The following TRIM16 variants were observed in gnomAD, a reference collection of about 807,000 sequenced individuals.
The protein encoded by TRIM16 is tripartite motif containing 16.
A neutral mutation model predicts 50.4 loss-of-function variants in TRIM16; 33 were observed. That is an observed-to-expected ratio of 0.65 (90% confidence interval 0.50 to 0.88). The LOEUF (loss-of-function observed/expected upper bound fraction) is 0.88. Ranked by LOEUF, TRIM16 falls within the 40% of genes least tolerant of loss-of-function variation. The probability of loss-of-function intolerance (pLI) is 0.00; values close to 1 mark genes in which losing one functional copy is unlikely to be tolerated. For synonymous variants in TRIM16, 229 were observed against 270.7 expected, an observed-to-expected ratio of 0.85 and a Z score of 1.51; for missense variants, 581 against 686.8, an observed-to-expected ratio of 0.85 and a Z score of 1.72.
chr17:15,647,530 C>T (rs1987453951), intron 7 of TRIM16, among the ~76,000 whole-genome samples: 2 of 152,222 alleles, frequency 1.3e-5, no homozygotes, highest in South Asian at 4.1e-4. Context: ...AGGCTCAGCT[C>T]AGGTCTTCCT....
At chr17:15,631,252 G>A (rs1026743404) in intron 11 of TRIM16, among the ~76,000 whole-genome samples, 25 of 152,146 alleles carry the variant, frequency 1.6e-4, no homozygotes, top group African/African-American at 5.6e-4. Context: ...AGAAAAAAAG[G>A]GCATTGATGA....
chr17:15,673,588 C>T (rs1988804601), intron 6 of TRIM16, among the ~76,000 whole-genome samples: 1 of 150,364 alleles, frequency 6.7e-6, no homozygotes, highest in African/African-American at 2.5e-5. Context: ...TCTCAGGTAA[C>T]TGAAATGCAT....
intron 6 of TRIM16, among the ~76,000 whole-genome samples, chr17:15,666,084 T>C (rs555248888): frequency 2.9e-4 from 44 of 152,226 alleles, no homozygotes; most frequent in Admixed American, 5.9e-4. Context: ...CTCCAAACCC[T>C]TTACCCTTTA....
intron 6 of TRIM16, among the ~76,000 whole-genome samples, chr17:15,674,664 G>A (rs1453378738): frequency 1.3e-5 from 2 of 152,128 alleles, no homozygotes; most frequent in Non-Finnish European, 1.5e-5. Flanking sequence ...CTACTTTAAA[G>A]GCCCAGCCTC....
At chr17:15,662,864 G>A (rs1033762185) in intron 6 of TRIM16, among the ~76,000 whole-genome samples, 1 of 152,160 alleles carries the variant, frequency 6.6e-6, no homozygotes, top group East Asian at 1.9e-4. Flanking sequence ...GGCCAGAAGC[G>A]GTCTTGGTAG....
chr17:15,644,594 G>A (rs1987269030), intron 7 of TRIM16, among the ~76,000 whole-genome samples: 1 of 152,118 alleles, frequency 6.6e-6, no homozygotes, highest in African/African-American at 2.4e-5. Flanking sequence ...CCCTGGAGGA[G>A]ATCAGGGAGA....
At chr17:15,643,119 G>C in intron 7 of TRIM16, 1 of 1,123,028 alleles carries the variant, frequency 8.9e-7, no homozygotes, top group Non-Finnish European at 1.1e-6. Flanking sequence ...CTGTAAACCA[G>C]AAATAAAATC....
At chr17:15,644,352 A>C (rs979757066) in intron 7 of TRIM16, among the ~76,000 whole-genome samples, 14 of 152,004 alleles carry the variant, frequency 9.2e-5, no homozygotes, top group Non-Finnish European at 1.6e-4. Flanking sequence ...CACCTGGCTA[A>C]TTTTTTTGTA....
intron 4 of TRIM16, among the ~76,000 whole-genome samples, chr17:15,679,812 C>T (rs1330955610): frequency 1.3e-5 from 2 of 152,038 alleles, no homozygotes; most frequent in Non-Finnish European, 2.9e-5. Context: ...TGGCGGGTGC[C>T]TGTAGTCCCA....
chr17:15,683,247 T>G, intron 1 of TRIM16, 90 bp from the exon 2 acceptor site: 1 of 994,446 alleles, frequency 1.0e-6, no homozygotes, highest in South Asian at 1.7e-5. Flanking sequence ...ACGCAGAGTC[T>G]GACGCAGTAT....
chr17:15,649,785 T>C (rs1437972396), intron 7 of TRIM16, among the ~76,000 whole-genome samples: 3 of 152,184 alleles, frequency 2.0e-5, no homozygotes, highest in Non-Finnish European at 4.4e-5. Flanking sequence ...ACTATGAGCT[T>C]GGACAAGTGT....
intron 6 of TRIM16, among the ~76,000 whole-genome samples, chr17:15,671,014 G>T (rs1988707296): frequency 6.6e-6 from 1 of 152,302 alleles, no homozygotes; most frequent in Non-Finnish European, 1.5e-5. Context: ...TTAATCTGAA[G>T]TGCTTCTTTA....
chr17:15,631,525 A>T, intron 11 of TRIM16, 94 bp downstream of exon 11: 1 of 1,107,330 alleles, frequency 9.0e-7, no homozygotes, highest in Non-Finnish European at 1.3e-6. Context: ...AAGTTGCAAG[A>T]ACCTGAAACC....
At chr17:15,629,711 C>G (rs1278418420) in intron 11 of TRIM16, among the ~76,000 whole-genome samples, 1 of 152,220 alleles carries the variant, frequency 6.6e-6, no homozygotes, top group East Asian at 1.9e-4. Flanking sequence ...ATAATAGGGT[C>G]TCATGCACCC....
intron 8 of TRIM16, among the ~76,000 whole-genome samples, chr17:15,637,115 T>TGGGGGGGGTCCGGGAGGGAGGTG (rs1986800591): frequency 1.5e-5 from 1 of 67,442 alleles, no homozygotes; most frequent in Admixed American, 1.3e-4. Flanking sequence ...GGGAGGGAGG[T>TGGGGGGGGTCCGGGAGGGAGGTG]GGGGGGGGGG....
chr17:15,663,373 C>T (rs561915150), intron 6 of TRIM16, among the ~76,000 whole-genome samples: 10 of 152,286 alleles, frequency 6.6e-5, no homozygotes, highest in African/African-American at 1.4e-4. Context: ...ATATGACACA[C>T]GCCCTGCCCA....
At chr17:15,660,897 C>CAAAAAAAAA (rs550489491) in intron 6 of TRIM16, among the ~76,000 whole-genome samples, 19 of 60,056 alleles carry the variant, frequency 3.2e-4, no homozygotes, top group Non-Finnish European at 4.5e-4. Context: ...GACTCCATCT[C>CAAAAAAAAA]AAAAAAAAAA....
chr17:15,632,956 A>G (rs1986508799), intron 9 of TRIM16: 1 of 274,948 alleles, frequency 3.6e-6, no homozygotes, highest in African/African-American at 2.2e-5. Flanking sequence ...GCTCCAATAC[A>G]CAGTCCAGAC....
chr17:15,680,726 G>A, intron 4 of TRIM16, 139 bp downstream of exon 4: 2 of 877,948 alleles, frequency 2.3e-6, no homozygotes, highest in Non-Finnish European at 3.4e-6. Context: ...AACTGCTGTG[G>A]CTAATGTGGT....
Sources: gnomAD v4.1 joint callset for allele counts (sites outside exome capture counted in the v4.1 genomes callset) on GRCh38, gnomAD v4.1.1 for gene constraint, MANE v1.5 for transcripts, NCBI Gene and HGNC (gene_info 2026-07-23, HGNC 2026-07-21) for gene names.